The following NOD1 variants were observed in gnomAD, a reference collection of about 807,000 sequenced individuals.
The protein encoded by NOD1 is nucleotide binding oligomerization domain containing 1, also known as nucleotide-binding oligomerization domain-containing protein 1.
A neutral mutation model predicts 81.2 loss-of-function variants in NOD1; 70 were observed. The observed-to-expected ratio is 0.86, with a 90% confidence interval of 0.71 to 1.05. The LOEUF (loss-of-function observed/expected upper bound fraction) is 1.05, where lower values mean the gene tolerates loss of function less well. Ranked by LOEUF, NOD1 falls within the 50% of genes least tolerant of loss-of-function variation. The pLI is 0.00. For synonymous variants in NOD1, 508 were observed against 526.9 expected (o/e 0.96, Z 0.49); for missense variants, 1,233 against 1,228.0 (o/e 1.00, Z -0.06).
chr7:30,430,347 G>T (rs1783840897), intron 12 of NOD1, among the ~76,000 whole-genome samples: 1 of 152,220 alleles, frequency 6.6e-6, no homozygotes, highest in Non-Finnish European at 1.5e-5. Flanking sequence ...CTCCTGAAAT[G>T]CTCCCTTGGG....
At chr7:30,436,617 C>T (rs902837797) in intron 10 of NOD1, among the ~76,000 whole-genome samples, 4 of 152,224 alleles carry the variant, frequency 2.6e-5, no homozygotes, top group African/African-American at 9.6e-5. Flanking sequence ...CCAGCATCAT[C>T]CTGAGGACAA....
intron 1 of NOD1, among the ~76,000 whole-genome samples, chr7:30,475,277 G>A (rs1788657458): frequency 6.6e-6 from 1 of 152,154 alleles, no homozygotes; most frequent in African/African-American, 2.4e-5. Context: ...CCTGTATGGT[G>A]GCAATGACAG....
At chr7:30,426,306 A>C (rs1422491115) in intron 13 of NOD1, among the ~76,000 whole-genome samples, 13 of 151,958 alleles carry the variant, frequency 8.6e-5, no homozygotes, top group Admixed American at 8.5e-4. Context: ...GGCTTAGTGA[A>C]TGGACCACTC....
At chr7:30,445,771 A>G in intron 9 of NOD1, among the ~76,000 whole-genome samples, 1 of 151,186 alleles carries the variant, frequency 6.6e-6, no homozygotes, top group East Asian at 1.9e-4. Flanking sequence ...AAAAAAAAAA[A>G]AAAAAAAAAA....
chr7:30,433,267 G>A (rs1784100598), intron 11 of NOD1, 88 bp from the exon 12 acceptor site: 3 of 1,003,012 alleles, frequency 3.0e-6, no homozygotes, highest in African/African-American at 3.2e-5. Flanking sequence ...CTCAGCCCAA[G>A]GCTCTCCAGC....
rs997869666 is a variant in NOD1, at chr7:30,462,104, C to T, written c.-351-2063G>A. 3.3e-5 allele frequency among the ~76,000 whole-genome samples: 5 copies of T among 152,168 alleles called. No individual in the cohort carries two copies. In the South Asian group the frequency reaches 1.0e-3, roughly 32 times the overall value. On this transcript the variant is annotated intron_variant, in intron 1 of 13. Coordinates refer to ENST00000222823, the MANE Select transcript of NOD1 (RefSeq NM_006092.4). The stretch of plus-strand genomic sequence containing the variant: ...AACTCAGTGAGACAGAGGTTAAAGA[C>T]GTGAGGTCACTGAAAATTCTGCAAA...
At chr7:30,432,581 T>C (rs1382084551) in intron 12 of NOD1, among the ~76,000 whole-genome samples, 2 of 152,224 alleles carry the variant, frequency 1.3e-5, no homozygotes, top group Non-Finnish European at 2.9e-5. Flanking sequence ...AGAAATTCTA[T>C]TCCCAGGTAT....
At chr7:30,445,573 A>T (rs2128029856) in intron 9 of NOD1, among the ~76,000 whole-genome samples, 1 of 151,922 alleles carries the variant, frequency 6.6e-6, no homozygotes, top group South Asian at 2.1e-4. Context: ...AGCCTGGCCA[A>T]CATGGTGAAA....
intron 1 of NOD1, among the ~76,000 whole-genome samples, chr7:30,471,861 T>G (rs1316010124): frequency 6.6e-6 from 1 of 152,150 alleles, no homozygotes; most frequent in Non-Finnish European, 1.5e-5. Flanking sequence ...GCCGGGTGCC[T>G]AGGAGGCCCA....
At chr7:30,425,774 C>G in intron 13 of NOD1, 64 bp from the exon 14 acceptor site, 1 of 1,102,214 alleles carries the variant, frequency 9.1e-7, no homozygotes, top group Non-Finnish European at 1.4e-6. Flanking sequence ...CACACTCCTT[C>G]CCAAGGTGTG....
rs1789029599 is a variant in NOD1 at position 30,478,569 on chromosome 7, G to A, written c.-352+37C>T. 6.6e-6 allele frequency: 1 copy of A among 152,402 alleles called. No homozygotes were observed. Among genetic ancestry groups the A allele is most frequent in the South Asian group, 2.1e-4 (1 of 4,830 alleles). The allele number at this position is 152,402 out of a possible 1,614,324, so 9.4% of individuals were successfully genotyped here. A position where few individuals can be genotyped will look rare whatever the true frequency, so the allele number is the denominator to read the frequency against. ...CGCAGCGCCCAGGACCTCAGAAAGG[G>A]CCTGCCCCGCGCGAATCCCCAGTCG... On this transcript the variant is annotated intron_variant, in intron 1 of 13. Transcript: ENST00000222823. This position sits in a 1 kb window ranked among gnomAD's most constrained non-coding sequence, Gnocchi z 4.1.
chr7:30,451,745 A>G lies in NOD1; in HGVS notation c.1672T>C (p.Cys558Arg). The change falls in exon 6 of 14, where the codon TGC (cysteine) becomes CGC (arginine). Residue 558 changes from cysteine (C) to arginine (R), a missense_variant. Cys to Arg is a radical substitution (Grantham distance 180). Coordinates refer to ENST00000222823, the MANE Select transcript of NOD1 (RefSeq NM_006092.4). The surrounding 1 kb of genome is among the most constrained non-coding windows in gnomAD (Gnocchi z 4.2). ...MPPAGAATTSCYPPFLPFQCL... is the reference protein window; with the variant it reads ...MPPAGAATTSRYPPFLPFQCL... ...TGGAACGGGAGGAAGGGAGGATAGC[A>G]GGACGTGGTCGCTGCCCCCGCAGGG... The G allele has an allele frequency of 6.2e-7, 1 of 1,613,778 alleles. No homozygotes were observed. Among genetic ancestry groups the G allele is most frequent in the East Asian group, 2.2e-5 (1 of 44,866 alleles).
In NOD1 at chr7:30,451,746, G is replaced by A. The variant is rs778003987; in HGVS notation, c.1671C>T (p.Ser557=). 2 of 1,613,820 alleles carry A rather than the reference G, an allele frequency of 1.2e-6. No individual in the cohort carries two copies. Among genetic ancestry groups the A allele is most frequent in the Non-Finnish European group, 1.7e-6 (2 of 1,180,030 alleles). ...GGAACGGGAGGAAGGGAGGATAGCA[G>A]GACGTGGTCGCTGCCCCCGCAGGGG... ...WMPPAGAATT[S]CYPPFLPFQC... The change falls in exon 6 of 14, where the codon TCC becomes TCT. Residue 557 remains serine (S), a synonymous_variant. Coordinates refer to ENST00000222823, the MANE Select transcript of NOD1 (RefSeq NM_006092.4). The surrounding 1 kb of genome is among the most constrained non-coding windows in gnomAD (Gnocchi z 4.2).
chr7:30,461,308 G>C (rs1197268128), intron 1 of NOD1, among the ~76,000 whole-genome samples: 3 of 152,108 alleles, frequency 2.0e-5, no homozygotes, highest in Admixed American at 2.0e-4. Context: ...CTCCTAAGTA[G>C]CTGGGATTAC....
At chr7:30,470,426 T>C (rs558222002) in intron 1 of NOD1, among the ~76,000 whole-genome samples, 2 of 152,310 alleles carry the variant, frequency 1.3e-5, no homozygotes, top group South Asian at 2.1e-4. Flanking sequence ...GGGTGCTCGA[T>C]AGGAACCGTC....
chr7:30,456,440 CCCT>C lies in NOD1; in HGVS notation c.201+278_201+280del, dbSNP rs559538587. ...ATGCTCTTATGCTTATGTTCTTTTT[CCCT>C]CCTAATTTAAAGGGGATCTAAAAAT... is the stretch of plus-strand genomic sequence containing the variant. On this transcript the variant is annotated intron_variant, in intron 4 of 13. Coordinates refer to ENST00000222823, the MANE Select transcript of NOD1 (RefSeq NM_006092.4). Among the ~76,000 whole-genome samples the C allele has an allele frequency of 3.0e-3, 451 of 152,260 alleles. 3 individuals are homozygous for C. The highest frequency in any genetic ancestry group is 0.01 in the African/African-American group (417 of 41,554).
At chr7:30,427,284 C>G (rs997140892) in intron 13 of NOD1, among the ~76,000 whole-genome samples, 10 of 152,168 alleles carry the variant, frequency 6.6e-5, no homozygotes, top group African/African-American at 2.2e-4. Flanking sequence ...AATTTCTGTT[C>G]TTAAAGACAG....
At chr7:30,459,396 A>T (rs898177589) in intron 2 of NOD1, among the ~76,000 whole-genome samples, 156 bp from the exon 3 acceptor site, 1 of 152,174 alleles carries the variant, frequency 6.6e-6, no homozygotes, top group African/African-American at 2.4e-5. Context: ...TAAATGTTCA[A>T]CGTCCCCACC....
chr7:30,435,741 T>G (rs926914285), intron 11 of NOD1, among the ~76,000 whole-genome samples: 2 of 152,068 alleles, frequency 1.3e-5, no homozygotes, highest in Non-Finnish European at 2.9e-5. Flanking sequence ...GGAGAACTGC[T>G]TGAGCCCAGG....
Sources: gnomAD v4.1 joint callset for allele counts (sites outside exome capture counted in the v4.1 genomes callset) on GRCh38, gnomAD v4.1.1 for gene constraint, Gnocchi (gnomAD v3.1) non-coding constraint, MANE v1.5 for transcripts, NCBI Gene and HGNC (gene_info 2026-07-23, HGNC 2026-07-21) for gene names.